Variants in ENKD1 observed in about 807,000 individuals in gnomAD.
ENKD1 encodes the protein enkurin domain-containing protein 1.
Under a neutral mutation model 35.8 loss-of-function variants are expected in ENKD1, and 39 were observed. That is an observed-to-expected ratio of 1.09 (90% confidence interval 0.84 to 1.42). ENKD1 has a LOEUF of 1.42. ENKD1 is among the 40% of genes most tolerant of loss of function. The pLI is 0.00. For synonymous variants in ENKD1, 205 were observed against 198.6 expected, an observed-to-expected ratio of 1.03 and a Z score of -0.27; for missense variants, 474 against 471.3, an observed-to-expected ratio of 1.01 and a Z score of -0.05.
intron 2 of ENKD1, among the ~76,000 whole-genome samples, chr16:67,665,713 A>G (rs975068825): frequency 6.6e-6 from 1 of 152,218 alleles, no homozygotes; most frequent in African/African-American, 2.4e-5. Flanking sequence ...ACCATAGATC[A>G]TCTCATATAT....
intron 3 of ENKD1, chr16:67,664,542 C>T (rs2053074727): frequency 6.0e-6 from 2 of 331,086 alleles, no homozygotes; most frequent in South Asian, 2.5e-5. Flanking sequence ...CTTGCCTTTC[C>T]TCTCACTCCT....
intron 2 of ENKD1, among the ~76,000 whole-genome samples, chr16:67,665,536 A>AT (rs2142986734): frequency 6.6e-6 from 1 of 152,042 alleles, no homozygotes; most frequent in African/African-American, 2.4e-5. Flanking sequence ...TGATTTTTGT[A>AT]TTTTTTGTAG....
intron 3 of ENKD1, 48 bp from the exon 4 acceptor site, chr16:67,664,110 G>C: frequency 6.6e-7 from 1 of 1,515,330 alleles, no homozygotes; most frequent in Non-Finnish European, 9.0e-7. Flanking sequence ...GAGGTCTGGG[G>C]CTCAAGCTGC....
intron 2 of ENKD1, 70 bp downstream of exon 2, chr16:67,666,001 G>GAGATCAAA: frequency 6.5e-7 from 1 of 1,527,240 alleles, no homozygotes; most frequent in Non-Finnish European, 8.9e-7. Flanking sequence ...AGGGTGGAAA[G>GAGATCAAA]AGCAGCTGCT....
chr16:67,666,575 G>T lies in ENKD1; in HGVS notation c.-133C>A, dbSNP rs1006918588. On this transcript the variant is annotated 5_prime_UTR_variant, in exon 1 of 7. Transcript: ENST00000243878. The stretch of plus-strand genomic sequence containing the variant: ...GACCCTGGCGTGCCCGCCACTCCCG[G>T]GCCCCTGCCGGTCCCCGCCTGGGCC... The T allele has an allele frequency of 3.6e-6, 3 of 825,542 alleles. No homozygotes were observed. The East Asian group carries it at 1.0e-4, about 28-fold the overall frequency. 51.1% of individuals were successfully genotyped at this position (825,542 alleles called of 1,614,324 possible). A position where few individuals can be genotyped will look rare whatever the true frequency, so the allele number is the denominator to read the frequency against.
At chr16:67,665,886 G>C (rs2053094159) in intron 2 of ENKD1, among the ~76,000 whole-genome samples, 185 bp downstream of exon 2, 1 of 152,222 alleles carries the variant, frequency 6.6e-6, no homozygotes, top group African/African-American at 2.4e-5. Context: ...GGCTTCGTGG[G>C]AACTACCTCA....
In ENKD1 at chr16:67,666,072, C is replaced by CTCA. The variant is rs546302839; in HGVS notation, c.278_279insTGA (p.Lys93delinsAsnGlu). On this transcript the variant is annotated protein_altering_variant and splice_region_variant, in exon 2 of 7. Transcript: ENST00000243878. ...CCTTCTTCCATTCCTGGGACTTACT[C>CTCA]TTGAGAGAGGCCCCAGGACCTAGGG... 766 of 1,612,520 alleles carry CTCA rather than the reference C, an allele frequency of 4.8e-4. 4 individuals are homozygous for CTCA. The African/African-American group carries it at 9.3e-3, about 19-fold the overall frequency.
At position 67,663,129 on chromosome 16, in the gene ENKD1, T is replaced by A; in HGVS notation, c.*32A>T. ...TGCAGCCATGTGGCGATCCTCAGCA[T>A]GGAGCTCCTTGCCACTGTCCCCCAA... On this transcript the variant is annotated 3_prime_UTR_variant, in exon 7 of 7. Coordinates refer to ENST00000243878, the MANE Select transcript of ENKD1 (RefSeq NM_032140.3). 6.2e-7 allele frequency: 1 copy of A among 1,612,698 alleles called. No individual in the cohort carries two copies. The highest frequency in any genetic ancestry group is 1.3e-5 in the African/African-American group (1 of 75,050).
intron 3 of ENKD1, chr16:67,664,299 C>T (rs1428604144): frequency 1.6e-6 from 1 of 612,832 alleles, no homozygotes. Context: ...CACTCTCTTT[C>T]CTCCTTCCTA....
Position 67,664,076 on chromosome 16 carries a change from C to T in ENKD1, c.454-14G>A. On this transcript the variant is annotated splice_polypyrimidine_tract_variant and intron_variant, in intron 3 of 6. Coordinates refer to ENST00000243878, the MANE Select transcript of ENKD1 (RefSeq NM_032140.3). The stretch of plus-strand genomic sequence containing the variant: ...AGGGCCAGGCTCCTGGAGGGCAGGG[C>T]ACAGCAGAGAGAGCAGGCAGGCTGA... The T allele has an allele frequency of 6.4e-7, 1 of 1,552,788 alleles. No homozygotes were observed. Among genetic ancestry groups the T allele is most frequent in the Non-Finnish European group, 8.7e-7 (1 of 1,147,782 alleles).
At chr16:67,665,925 A>G (rs2053094873) in intron 2 of ENKD1, 146 bp downstream of exon 2, 3 of 876,688 alleles carry the variant, frequency 3.4e-6, no homozygotes, top group Non-Finnish European at 5.2e-6. Flanking sequence ...AGAAGGTAGC[A>G]TATTTCTCCC....
chr16:67,664,524 T>C (rs1348768653), intron 3 of ENKD1: 6 of 337,110 alleles, frequency 1.8e-5, no homozygotes, highest in Admixed American at 9.1e-5. Flanking sequence ...ACAACACATT[T>C]GTGTGACCTT....
rs764306657 is a variant in ENKD1, at chr16:67,666,402, G to T, written c.41C>A (p.Pro14Gln). 2 of 1,561,448 alleles carry T rather than the reference G, an allele frequency of 1.3e-6. No homozygotes were observed. Among genetic ancestry groups the T allele is most frequent in the African/African-American group, 1.4e-5 (1 of 72,852 alleles). ...GPSRISGPIP[P>Q]DPTLCPDNYR... is the part of the protein sequence containing the mutation. ...GTTGTCAGGACAGAGCGTCGGGTCT[G>T]GGGGGATGGGCCCCGAGATGCGGGA... Residue 14 changes from proline to glutamine, a missense_variant, in exon 1 of 7, where the codon CCA becomes CAA. Pro to Gln is a moderately conservative substitution (Grantham distance 76). Coordinates refer to ENST00000243878, the MANE Select transcript of ENKD1 (RefSeq NM_032140.3).
rs748922266 is a variant in ENKD1, at chr16:67,666,150, C to T, written c.201G>A (p.Leu67=). The change falls in exon 2 of 7, where the codon CTG becomes CTA. Residue 67 remains leucine, a synonymous_variant. Coordinates refer to ENST00000243878, the MANE Select transcript of ENKD1 (RefSeq NM_032140.3). ...CCCCGACGCCGCGCTGGCCGCGCTCCAGGATCTCTCCGGCACCGGGACCGA... is the reference window on the plus strand; with the variant it reads ...CCCCGACGCCGCGCTGGCCGCGCTCTAGGATCTCTCCGGCACCGGGACCGA... ...PCIGPGAGEI[L]ERGQRGVGDV... 11 of 1,612,798 alleles carry T rather than the reference C, an allele frequency of 6.8e-6. No individual in the cohort carries two copies. The East Asian group carries it at 2.5e-4, about 36-fold the overall frequency.
At chr16:67,663,619 G>A (rs571882950) in intron 5 of ENKD1, 38 bp downstream of exon 5, 1 of 1,604,466 alleles carries the variant, frequency 6.2e-7, no homozygotes, top group East Asian at 2.2e-5. Context: ...ACCCTCCACA[G>A]GTGTCCTTCA....
At position 67,663,783 on chromosome 16, in the gene ENKD1, G is replaced by T. The variant is rs1237930943; in HGVS notation, c.617C>A (p.Ala206Glu). 5.6e-6 allele frequency: 9 copies of T among 1,609,010 alleles called. No homozygotes were observed. The Admixed American group carries it at 6.7e-5, about 12-fold the overall frequency. The change falls in exon 5 of 7, where the codon GCA becomes GAA. Residue 206 changes from alanine (A) to glutamate (E), a missense_variant. Coordinates refer to ENST00000243878, the MANE Select transcript of ENKD1 (RefSeq NM_032140.3). The part of the protein sequence containing the change: ...GLGVDFIRHN[A>E]RAAKRAPRRH... ...CCGGGGGGCTCTCTTGGCAGCTCGT[G>T]CATTGTGACGAATGAAGTCCACCCC...
At chr16:67,664,736 G>C (rs1368911483) in intron 3 of ENKD1, among the ~76,000 whole-genome samples, 1 of 152,126 alleles carries the variant, frequency 6.6e-6, no homozygotes, top group East Asian at 1.9e-4. Flanking sequence ...CCACTGCTGC[G>C]TGCCCTGTGG....
At chr16:67,663,367 G>A (rs1224562003) in intron 6 of ENKD1, 46 bp from the exon 7 acceptor site, 1 of 1,611,764 alleles carries the variant, frequency 6.2e-7, no homozygotes, top group Non-Finnish European at 8.5e-7. Context: ...GTTGGGCAGG[G>A]GTGCCCGGTC....
rs1323458307 is a variant in ENKD1, at chr16:67,666,717, C to T, written c.-275G>A. The T allele has an allele frequency of 4.1e-6, 2 of 482,480 alleles. No individual in the cohort carries two copies. Among genetic ancestry groups the T allele is most frequent in the African/African-American group, 4.1e-5 (2 of 48,988 alleles). 29.9% of individuals were successfully genotyped at this position (482,480 alleles called of 1,614,324 possible). A position where few individuals can be genotyped will look rare whatever the true frequency, so the allele number is the denominator to read the frequency against. On this transcript the variant is annotated 5_prime_UTR_variant, in exon 1 of 7. Coordinates refer to ENST00000243878, the MANE Select transcript of ENKD1 (RefSeq NM_032140.3). Reference sequence around the variant, plus strand: ...TCACTCGAGAGGTTTTGCCGCCAGCCGCTGCCACCCGACGGGACTTGTTGT... The same window carrying T: ...TCACTCGAGAGGTTTTGCCGCCAGCTGCTGCCACCCGACGGGACTTGTTGT...
Sources: gnomAD v4.1 joint callset for allele counts (sites outside exome capture counted in the v4.1 genomes callset) on GRCh38, gnomAD v4.1.1 for gene constraint, MANE v1.5 for transcripts, NCBI Gene and HGNC (gene_info 2026-07-23, HGNC 2026-07-21) for gene names.